Variants in ATP8A1 observed in about 807,000 individuals in gnomAD.
The protein encoded by ATP8A1 is phospholipid-transporting ATPase IA.
ATP8A1 carries 90 observed loss-of-function variants against 177.7 expected under a neutral mutation model. That is an observed-to-expected ratio of 0.51 (90% CI 0.43 to 0.60). The LOEUF is 0.60. ATP8A1 is among the 20% of genes least tolerant of loss of function. The probability of loss-of-function intolerance (pLI) is 0.00; values close to 1 mark genes in which losing one functional copy is unlikely to be tolerated. For missense variants in ATP8A1, 1,072 were observed against 1,392.8 expected (o/e 0.77, Z 3.67); for synonymous variants, 493 against 485.9 (o/e 1.01, Z -0.19).
chr4:42,586,376 A>G lies in ATP8A1; in HGVS notation c.695T>C (p.Val232Ala). 6.2e-7 allele frequency: 1 copy of G among 1,614,080 alleles called. No homozygotes were observed. The highest frequency in any genetic ancestry group is 8.5e-7 in the Non-Finnish European group (1 of 1,179,980). The change falls in exon 9 of 37, where the codon GTT becomes GCT. Residue 232 changes from valine to alanine, a missense_variant. Coordinates refer to ENST00000381668, the MANE Select transcript of ATP8A1 (RefSeq NM_006095.2). ...ATGTCCATCAAGCCTTATGTTTCCA[A>G]CAAAATCGTAGAGATGTCTGTTTGG... ...ESPNRHLYDF[V>A]GNIRLDGHGT...
At chr4:42,523,040 A>C (rs1376534342) in intron 21 of ATP8A1, among the ~76,000 whole-genome samples, 2 of 152,182 alleles carry the variant, frequency 1.3e-5, no homozygotes, top group Non-Finnish European at 2.9e-5. Flanking sequence ...TCTTACTAGG[A>C]TATATGACTG....
intron 5 of ATP8A1, 116 bp from the exon 6 acceptor site, chr4:42,600,634 T>C: frequency 2.3e-6 from 2 of 883,886 alleles, no homozygotes; most frequent in South Asian, 1.9e-5. Flanking sequence ...TAGCAATTTT[T>C]ATAGGTTAAA....
chr4:42,517,616 C>T (rs1725695747), intron 22 of ATP8A1, among the ~76,000 whole-genome samples: 3 of 152,192 alleles, frequency 2.0e-5, no homozygotes, highest in Admixed American at 2.0e-4. Context: ...TATTCCTGAA[C>T]AAGTTAGGCC....
At chr4:42,434,900 T>A (rs1205049565) in intron 33 of ATP8A1, among the ~76,000 whole-genome samples, 1 of 152,226 alleles carries the variant, frequency 6.6e-6, no homozygotes, top group Admixed American at 6.5e-5. Context: ...ACTGTGCAGA[T>A]TCCATACCAG....
chr4:42,447,468 C>CCACT (rs1471047537), intron 30 of ATP8A1, among the ~76,000 whole-genome samples: 1 of 152,096 alleles, frequency 6.6e-6, no homozygotes, highest in Non-Finnish European at 1.5e-5. Context: ...CAAGAGTGAG[C>CCACT]CACTGCACCT....
chr4:42,569,997 T>A (rs889224390), intron 14 of ATP8A1, among the ~76,000 whole-genome samples: 3 of 152,152 alleles, frequency 2.0e-5, no homozygotes, highest in Non-Finnish European at 4.4e-5. Flanking sequence ...TCCTGTAAAT[T>A]TATTAGACAT....
At chr4:42,644,091 G>T (rs1271685376) in intron 1 of ATP8A1, among the ~76,000 whole-genome samples, 2 of 152,142 alleles carry the variant, frequency 1.3e-5, no homozygotes, top group Non-Finnish European at 2.9e-5. Context: ...TTGTTTAAAA[G>T]GTCAATTTTA....
chr4:42,555,228 C>T (rs1730081884), intron 16 of ATP8A1, among the ~76,000 whole-genome samples: 2 of 149,292 alleles, frequency 1.3e-5, no homozygotes, highest in African/African-American at 5.0e-5. Context: ...CTAGAGAACC[C>T]TAATACAGTC....
In ATP8A1 at chr4:42,588,132, G is replaced by T. The variant is rs142706812; in HGVS notation, c.594+128C>A. On this transcript the variant is annotated intron_variant, in intron 8 of 36. Transcript: ENST00000381668. The stretch of plus-strand genomic sequence containing the variant: ...CAATACCAGTTTATAAAACCTCTTT[G>T]TTGTGGTTCCATGGGAACATATTTG... The T allele has an allele frequency of 2.2e-4, 147 of 662,170 alleles. 2 individuals are homozygous for T. The East Asian group carries it at 4.3e-3, about 19-fold the overall frequency. 41.0% of individuals were successfully genotyped at this position (662,170 alleles called of 1,614,324 possible). A position where few individuals can be genotyped will look rare whatever the true frequency, so the allele number is the denominator to read the frequency against.
chr4:42,537,334 A>C (rs1337315512), intron 20 of ATP8A1, among the ~76,000 whole-genome samples: 1 of 152,076 alleles, frequency 6.6e-6, no homozygotes, highest in Non-Finnish European at 1.5e-5. Flanking sequence ...AAAAAGTTGA[A>C]AGCATTCCCC....
intron 23 of ATP8A1, 25 bp downstream of exon 23, chr4:42,506,991 G>T: frequency 6.2e-7 from 1 of 1,609,192 alleles, no homozygotes; most frequent in Non-Finnish European, 8.5e-7. Flanking sequence ...GCACCAACAT[G>T]TAAAATGTGA....
chr4:42,457,049 G>A (rs1315793221), intron 27 of ATP8A1, among the ~76,000 whole-genome samples: 2 of 152,152 alleles, frequency 1.3e-5, no homozygotes, highest in African/African-American at 4.8e-5. Context: ...TTAAAAATAA[G>A]TCCAAATTGT....
intron 33 of ATP8A1, among the ~76,000 whole-genome samples, chr4:42,435,563 G>A (rs1379113723): frequency 6.6e-6 from 1 of 151,038 alleles, no homozygotes; most frequent in African/African-American, 2.4e-5. Flanking sequence ...AACAAAAACT[G>A]TGGTGGTTCC....
chr4:42,529,323 C>T (rs547187934), intron 20 of ATP8A1, among the ~76,000 whole-genome samples: 75 of 152,212 alleles, frequency 4.9e-4, no homozygotes, highest in South Asian at 1.7e-3. Context: ...GGTAACTACT[C>T]TCCTTTTGAG....
At chr4:42,601,033 C>CTTTTTTT (rs36117571) in intron 5 of ATP8A1, among the ~76,000 whole-genome samples, 16 of 102,418 alleles carry the variant, frequency 1.6e-4, no homozygotes, top group South Asian at 3.3e-4. Context: ...CCCAAATTTT[C>CTTTTTTT]TTTTTTTTTT....
intron 20 of ATP8A1, among the ~76,000 whole-genome samples, chr4:42,537,188 T>C (rs768775992): frequency 1.3e-4 from 19 of 148,274 alleles, no homozygotes; most frequent in Admixed American, 2.7e-4. Context: ...TCTCAATAGA[T>C]GCAGAAAAGG....
chr4:42,427,207 C>T (rs1167931465), intron 33 of ATP8A1, among the ~76,000 whole-genome samples: 3 of 152,184 alleles, frequency 2.0e-5, no homozygotes, highest in African/African-American at 7.2e-5. Context: ...AGAACTTCCA[C>T]GTGTTCAAAG....
At chr4:42,623,615 G>GT (rs1468698945) in intron 4 of ATP8A1, among the ~76,000 whole-genome samples, 1 of 152,064 alleles carries the variant, frequency 6.6e-6, no homozygotes, top group African/African-American at 2.4e-5. Flanking sequence ...ACCAAATACC[G>GT]TGTGTTCTCA....
chr4:42,574,691 G>A lies in ATP8A1; in HGVS notation c.1223C>T (p.Ser408Phe), dbSNP rs1321434916. 6.2e-7 allele frequency: 1 copy of A among 1,605,106 alleles called. No homozygotes were observed. The highest frequency in any genetic ancestry group is 8.5e-7 in the Non-Finnish European group (1 of 1,177,366). ...GCATGTCAGAGTACCAGTTTTGTCA[G>A]AAAATATGTATTTAACCTAAAAAAG... ...EELGQVKYIF[S>F]DKTGTLTCNV... Residue 408 changes from serine (S) to phenylalanine (F), a missense_variant, in exon 14 of 37, where the codon TCT becomes TTT. Transcript: ENST00000381668.
Sources: gnomAD v4.1 joint callset for allele counts (sites outside exome capture counted in the v4.1 genomes callset) on GRCh38, gnomAD v4.1.1 for gene constraint, MANE v1.5 for transcripts, NCBI Gene and HGNC (gene_info 2026-07-23, HGNC 2026-07-21) for gene names.